The following ITPR2 variants were observed in gnomAD, a reference collection of about 807,000 sequenced individuals.
ITPR2 encodes the protein inositol 1,4,5-trisphosphate-gated calcium channel ITPR2.
A neutral mutation model predicts 317.1 loss-of-function variants in ITPR2; 207 were observed. That is an observed-to-expected ratio of 0.65 (90% CI 0.58 to 0.73). The LOEUF (loss-of-function observed/expected upper bound fraction) is 0.73. Ranked by LOEUF, ITPR2 falls within the 30% of genes least tolerant of loss-of-function variation. ITPR2 has a pLI of 0.00. For missense variants in ITPR2, 2,613 were observed against 3,284.0 expected (o/e 0.80, Z 4.99); for synonymous variants, 1,156 against 1,149.1 (o/e 1.01, Z -0.12).
At position 26,695,742 on chromosome 12, in the gene ITPR2, C is replaced by T. The variant is rs1948332306; in HGVS notation, c.952-92G>A. On this transcript the variant is annotated intron_variant, in intron 9 of 56. Transcript: ENST00000381340. ...TTCAATTCAATTAATATTCTATCCT[C>T]AACTAAGTTTAATATAAAAAGATGC... 1.0e-5 allele frequency: 8 copies of T among 780,022 alleles called. No homozygotes were observed. In the South Asian group the frequency reaches 1.3e-4, roughly 13 times the overall value. 48.3% of individuals were successfully genotyped at this position (780,022 alleles called of 1,614,324 possible).
intron 37 of ITPR2, among the ~76,000 whole-genome samples, chr12:26,511,278 T>C (rs1332134926): frequency 2.0e-5 from 3 of 152,252 alleles, no homozygotes; most frequent in Non-Finnish European, 4.4e-5. Context: ...CTCCTTGCTC[T>C]TCTGGTCTGT....
chr12:26,707,776 C>A (rs1260492338), intron 9 of ITPR2, among the ~76,000 whole-genome samples: 1 of 152,096 alleles, frequency 6.6e-6, no homozygotes, highest in South Asian at 2.1e-4. Flanking sequence ...GTGATCCACC[C>A]GCCTCAGCCT....
chr12:26,619,141 G>A (rs138268122), intron 26 of ITPR2, among the ~76,000 whole-genome samples: 2 of 152,260 alleles, frequency 1.3e-5, no homozygotes, highest in South Asian at 2.1e-4. Flanking sequence ...ATGTCACTCA[G>A]GTGAGATATT....
At chr12:26,572,141 A>G (rs1344734492) in intron 34 of ITPR2, among the ~76,000 whole-genome samples, 1 of 152,162 alleles carries the variant, frequency 6.6e-6, no homozygotes, top group Non-Finnish European at 1.5e-5. Context: ...GCTAAACTTT[A>G]GTGCCTCTGT....
At chr12:26,353,249 T>C (rs929887307) in intron 55 of ITPR2, among the ~76,000 whole-genome samples, 5 of 152,258 alleles carry the variant, frequency 3.3e-5, no homozygotes, top group African/African-American at 1.2e-4. Context: ...AGTTATTTTG[T>C]ATTTACAAGT....
intron 1 of ITPR2, among the ~76,000 whole-genome samples, chr12:26,802,985 T>C (rs1387582531): frequency 1.3e-5 from 2 of 152,198 alleles, no homozygotes; most frequent in African/African-American, 4.8e-5. Context: ...TGAGCATATA[T>C]GGAATATTAA....
At chr12:26,636,157 C>T (rs568878140) in intron 21 of ITPR2, among the ~76,000 whole-genome samples, 18 of 152,188 alleles carry the variant, frequency 1.2e-4, no homozygotes, top group Non-Finnish European at 2.4e-4. Flanking sequence ...GTTCTTGTGT[C>T]CAGACGGTCA....
intron 34 of ITPR2, among the ~76,000 whole-genome samples, chr12:26,575,244 G>A (rs895706893): frequency 6.7e-6 from 1 of 149,738 alleles, no homozygotes; most frequent in Non-Finnish European, 1.5e-5. Context: ...GGATGTTGCT[G>A]AAGGTTGGGG....
chr12:26,825,947 C>T (rs16931387), intron 1 of ITPR2, among the ~76,000 whole-genome samples: 6,640 of 152,270 alleles, frequency 0.044, 764 homozygotes, highest in East Asian at 0.28. Context: ...TATCATATGC[C>T]TTAGCCAAAA....
intron 36 of ITPR2, 120 bp from the exon 37 acceptor site, chr12:26,550,475 G>A (rs1241553755): frequency 1.7e-6 from 1 of 595,708 alleles, no homozygotes; most frequent in Non-Finnish European, 2.9e-6. Flanking sequence ...AGCAAACCAG[G>A]TACATGTTTT....
chr12:26,599,221 T>G lies in ITPR2; in HGVS notation c.3926A>C (p.Tyr1309Ser), dbSNP rs777505114. 1 of 1,614,142 alleles carries G rather than the reference T, an allele frequency of 6.2e-7. No homozygotes were observed. The highest frequency in any genetic ancestry group is 8.5e-7 in the Non-Finnish European group (1 of 1,179,980). The change falls in exon 30 of 57, where the codon TAC becomes TCC. Residue 1309 changes from tyrosine to serine, a missense_variant. This residue lies in a region of ITPR2 where 817 missense variants were observed against 897.6 expected (regional missense o/e 0.91). Coordinates refer to ENST00000381340, the MANE Select transcript of ITPR2 (RefSeq NM_002223.4). ...TACAATTGTTTGCAAAAACCTCAGG[T>G]ACTCCACGTGGCGGCCATGTGTCTC... ...CIETHGRHVE[Y>S]LRFLQTIVKA... is the part of the protein sequence containing the mutation.
At chr12:26,647,122 T>C (rs754394056) in intron 21 of ITPR2, among the ~76,000 whole-genome samples, 4 of 152,202 alleles carry the variant, frequency 2.6e-5, no homozygotes, top group Non-Finnish European at 4.4e-5. Context: ...ATGTAGACTT[T>C]ATTGTTCCAT....
In ITPR2 at chr12:26,472,273, G is replaced by A. The variant is rs538199718; in HGVS notation, c.6342+3023C>T. Among the ~76,000 whole-genome samples the A allele has an allele frequency of 4.6e-5, 7 of 152,254 alleles. No homozygotes were observed. In the South Asian group the frequency reaches 1.5e-3, roughly 32 times the overall value. On this transcript the variant is annotated intron_variant, in intron 45 of 56. Coordinates refer to ENST00000381340, the MANE Select transcript of ITPR2 (RefSeq NM_002223.4). ...CCTATGCCCTCTTTGGGTTCTAAGA[G>A]GGACTCATGAGGACTCTTATTTAAT...
chr12:26,567,110 T>C (rs1945002484), intron 34 of ITPR2, among the ~76,000 whole-genome samples: 1 of 152,244 alleles, frequency 6.6e-6, no homozygotes, highest in Non-Finnish European at 1.5e-5. Flanking sequence ...TTGGGATTTA[T>C]CTGCCCTTTA....
At chr12:26,408,859 T>C (rs1263127670) in intron 52 of ITPR2, among the ~76,000 whole-genome samples, 1 of 152,226 alleles carries the variant, frequency 6.6e-6, no homozygotes, top group African/African-American at 2.4e-5. Flanking sequence ...GTTGTTACAA[T>C]AAAATATTTG....
Position 26,475,371 on chromosome 12 carries a change from A to G in ITPR2, c.6267T>C (p.His2089=), listed in dbSNP as rs1942393307. 1.9e-5 allele frequency: 30 copies of G among 1,613,568 alleles called. No individual in the cohort carries two copies. Among genetic ancestry groups the G allele is most frequent in the Non-Finnish European group, 2.5e-5 (30 of 1,179,728 alleles). Residue 2089 remains histidine (H), a synonymous_variant, in exon 45 of 57, where the codon CAT becomes CAC. Transcript: ENST00000381340. ...CATCATCTCCACCCTCATCATCCCC[A>G]TGGTCACATTCCAATCCTTGGTTAT... ...NAYNQGLECD[H]GDDEGGDDGV...
chr12:26,808,105 G>A lies in ITPR2; in HGVS notation c.93-17878C>T, dbSNP rs151164483. ...TCAAGCATCATGAGGAAAAGTGTAGGCCTAGAAACCATTCTTCACCACCAT... is the reference window on the plus strand; with the variant it reads ...TCAAGCATCATGAGGAAAAGTGTAGACCTAGAAACCATTCTTCACCACCAT... On this transcript the variant is annotated intron_variant, in intron 1 of 56. Coordinates refer to ENST00000381340, the MANE Select transcript of ITPR2 (RefSeq NM_002223.4). 2.2e-4 allele frequency among the ~76,000 whole-genome samples: 34 copies of A among 152,036 alleles called. No homozygotes were observed. The East Asian group carries it at 6.4e-3, about 28-fold the overall frequency.
intron 1 of ITPR2, among the ~76,000 whole-genome samples, chr12:26,800,004 T>A (rs1950526926): frequency 6.6e-6 from 1 of 152,208 alleles, no homozygotes; most frequent in Non-Finnish European, 1.5e-5. Flanking sequence ...CATTCCTATC[T>A]GAGTTTTCAC....
intron 1 of ITPR2, among the ~76,000 whole-genome samples, chr12:26,822,148 G>A (rs750661799): frequency 5.3e-5 from 8 of 152,122 alleles, no homozygotes; most frequent in Admixed American, 1.3e-4. Context: ...GGACTCTGTC[G>A]AGGAAATCTC....
Sources: gnomAD v4.1 joint callset for allele counts (sites outside exome capture counted in the v4.1 genomes callset) on GRCh38, gnomAD v4.1.1 for gene constraint, gnomAD v4.1.1 regional missense constraint, MANE v1.5 for transcripts, NCBI Gene and HGNC (gene_info 2026-07-23, HGNC 2026-07-21) for gene names.